Variants in TET3 observed in about 807,000 individuals in gnomAD.
The protein encoded by TET3 is methylcytosine dioxygenase TET3.
TET3 carries 19 observed loss-of-function variants against 141.4 expected under a neutral mutation model. That is an observed-to-expected ratio of 0.13 (90% CI 0.09 to 0.20). TET3 has a LOEUF of 0.20. Ranked by LOEUF, TET3 falls within the 10% of genes least tolerant of loss-of-function variation. TET3 has a pLI of 1.00. For missense variants in TET3, 1,874 were observed against 2,356.9 expected, an observed-to-expected ratio of 0.80 and a Z score of 4.24; for synonymous variants, 1,043 against 980.9, an observed-to-expected ratio of 1.06 and a Z score of -1.18.
At position 74,099,517 on chromosome 2, in the gene TET3, C is replaced by T. The variant is rs1245008031; in HGVS notation, c.3509C>T (p.Ala1170Val). ...CGGCAGCTGGAAGCCAGAAAGGCAG[C>T]AGCCGAGAAGAAGAAGATTCAGAAG... Reference protein sequence around the residue: ...RQRQLEARKAAAEKKKIQKEK... With the variant: ...RQRQLEARKAVAEKKKIQKEK... Residue 1170 changes from alanine to valine, a missense_variant, in exon 11 of 12, where the codon GCA becomes GTA. Coordinates refer to ENST00000409262, the MANE Select transcript of TET3 (RefSeq NM_001287491.2). The T allele has an allele frequency of 1.2e-6, 2 of 1,612,994 alleles. No homozygotes were observed. The highest frequency in any genetic ancestry group is 2.2e-5 in the East Asian group (1 of 44,842).
At chr2:74,045,703 T>G (rs1687578616) in intron 3 of TET3, among the ~76,000 whole-genome samples, 1 of 152,200 alleles carries the variant, frequency 6.6e-6, no homozygotes, top group South Asian at 2.1e-4. Flanking sequence ...GCCAGCTTTC[T>G]GTGCTCAGCC....
rs943610380 is a variant in TET3, at chr2:74,089,945, C to T, written c.2937C>T (p.Ser979=). The T allele has an allele frequency of 6.2e-7, 1 of 1,614,078 alleles. No homozygotes were observed. Residue 979 remains serine, a synonymous_variant, in exon 8 of 12, where the codon TCC becomes TCT. Coordinates refer to ENST00000409262, the MANE Select transcript of TET3 (RefSeq NM_001287491.2). ...QGKDPNTCGA[S]FSFGCSWSMY... ...AAGACCCCAACACCTGTGGTGCCTC[C>T]TTCTCCTTTGGTTGTTCCTGGAGCA...
At chr2:73,994,544 G>A (rs1056374092) in intron 2 of TET3, among the ~76,000 whole-genome samples, 1 of 152,102 alleles carries the variant, frequency 6.6e-6, no homozygotes, top group Admixed American at 6.5e-5. Context: ...TTGCGGGAAG[G>A]TTGGGAGGGA....
In TET3 at chr2:74,101,978, G is replaced by A; in HGVS notation, c.5190G>A (p.Leu1730=). 1.2e-6 allele frequency: 2 copies of A among 1,605,476 alleles called. No individual in the cohort carries two copies. Among genetic ancestry groups the A allele is most frequent in the Admixed American group, 1.7e-5 (1 of 59,460 alleles). Residue 1730 remains leucine, a synonymous_variant, in exon 12 of 12, where the codon CTG becomes CTA. Transcript: ENST00000409262. This position sits in a 1 kb window ranked among gnomAD's most constrained non-coding sequence, Gnocchi z 8.5. Reference sequence around the variant, plus strand: ...CACGGCAGGAGGAGGCTGCCCGGCTGGGCCTGGGCCAGCAGGAGGCCAAGC... The same window carrying A: ...CACGGCAGGAGGAGGCTGCCCGGCTAGGCCTGGGCCAGCAGGAGGCCAAGC... The part of the protein sequence containing the change: ...ARARQEEAAR[L]GLGQQEAKLY...
chr2:74,124,644 G>C, the TET3 span, among the ~76,000 whole-genome samples: 67 of 152,290 alleles, frequency 4.4e-4, no homozygotes, highest in Non-Finnish European at 7.1e-4. Flanking sequence ...CGTGCTCTCT[G>C]AAACATGTGC....
chr2:74,000,311 A>C (rs925752222), intron 2 of TET3, among the ~76,000 whole-genome samples: 3 of 152,196 alleles, frequency 2.0e-5, no homozygotes, highest in African/African-American at 7.2e-5. Context: ...CTCTGTGCAG[A>C]GCCTAGGAAA....
At chr2:74,004,359 G>T (rs1685039849) in intron 3 of TET3, among the ~76,000 whole-genome samples, 1 of 152,176 alleles carries the variant, frequency 6.6e-6, no homozygotes, top group Admixed American at 6.5e-5. Flanking sequence ...AAGCTCCATG[G>T]AGGTGCTGGA....
downstream of TET3, among the ~76,000 whole-genome samples, chr2:74,110,444 A>G (rs1422809892): frequency 6.6e-6 from 1 of 152,190 alleles, no homozygotes; most frequent in Admixed American, 6.5e-5. Flanking sequence ...TCTGAAAATA[A>G]TGGGCATTCA....
chr2:74,125,277 T>C, the TET3 span, among the ~76,000 whole-genome samples: 1 of 151,322 alleles, frequency 6.6e-6, no homozygotes, highest in African/African-American at 2.4e-5. Context: ...CCACTGCACC[T>C]GGCCTCACTT....
intron 3 of TET3, among the ~76,000 whole-genome samples, chr2:74,030,766 C>T (rs1204025100): frequency 1.3e-5 from 2 of 152,064 alleles, no homozygotes; most frequent in African/African-American, 4.8e-5. Flanking sequence ...GGCAGGGGGC[C>T]AGTCAAGGAG....
chr2:74,114,703 A>C, the TET3 span, among the ~76,000 whole-genome samples: 1 of 151,546 alleles, frequency 6.6e-6, no homozygotes, highest in African/African-American at 2.4e-5. Context: ...AAATACAAAA[A>C]ATTGGCTGGG....
At chr2:74,117,352 C>G in the TET3 span, among the ~76,000 whole-genome samples, 3 of 152,100 alleles carry the variant, frequency 2.0e-5, no homozygotes, top group Non-Finnish European at 4.4e-5. Flanking sequence ...GCTGGAATTA[C>G]AGGCATGAGC....
Position 74,073,728 on chromosome 2 carries a change from A to C in TET3, c.2585+89A>C, listed in dbSNP as rs79276487. On this transcript the variant is annotated intron_variant, in intron 5 of 11. Transcript: ENST00000409262. ...CGCCTCTCATTTTTCTTTGCCTTGT[A>C]ACAGACAATATACAGAAAGGAAACC... The C allele has an allele frequency of 2.6e-3, 2,857 of 1,081,500 alleles. 72 individuals are homozygous for C. In the African/African-American group the frequency reaches 0.043, roughly 16 times the overall value. 67.0% of individuals were successfully genotyped at this position (1,081,500 alleles called of 1,614,324 possible). A position where few individuals can be genotyped will look rare whatever the true frequency, so the allele number is the denominator to read the frequency against.
At chr2:74,084,457 T>C (rs1401239419) in intron 6 of TET3, among the ~76,000 whole-genome samples, 27 of 145,332 alleles carry the variant, frequency 1.9e-4, no homozygotes, top group African/African-American at 5.1e-4. Context: ...GTCTCTCTCT[T>C]TTTTTTTTTT....
intron 3 of TET3, among the ~76,000 whole-genome samples, chr2:74,021,200 G>T (rs1395611534): frequency 2.0e-5 from 3 of 152,170 alleles, no homozygotes; most frequent in Admixed American, 6.5e-5. Context: ...TCCCCATGAG[G>T]CCCCAGCTGC....
chr2:74,030,358 CTTT>C (rs1402335748), intron 3 of TET3, among the ~76,000 whole-genome samples: 2 of 152,132 alleles, frequency 1.3e-5, no homozygotes, highest in Non-Finnish European at 2.9e-5. Flanking sequence ...TTTCATCTAG[CTTT>C]TTTCCTTAGT....
intron 2 of TET3, among the ~76,000 whole-genome samples, chr2:73,998,070 C>T (rs929264392): frequency 4.6e-5 from 7 of 152,038 alleles, no homozygotes; most frequent in African/African-American, 9.7e-5. Flanking sequence ...TTGATGCTGG[C>T]GGCAGGGGTG....
the TET3 span, among the ~76,000 whole-genome samples, chr2:74,120,213 C>T: frequency 6.6e-6 from 1 of 152,224 alleles, no homozygotes; most frequent in Non-Finnish European, 1.5e-5. Flanking sequence ...CCCGGCTCCC[C>T]CGCCCGCCCA....
chr2:74,111,050 C>T (rs1691692788), downstream of TET3, among the ~76,000 whole-genome samples: 1 of 152,178 alleles, frequency 6.6e-6, no homozygotes, highest in Admixed American at 6.5e-5. Flanking sequence ...AGCTTCTGAG[C>T]CAGGGATCCT....
Sources: allele counts gnomAD v4.1 joint callset (sites outside exome capture counted in the v4.1 genomes callset), GRCh38; gene constraint gnomAD v4.1.1; non-coding constraint Gnocchi (gnomAD v3.1); transcripts MANE v1.5; gene names NCBI Gene and HGNC (gene_info 2026-07-23, HGNC 2026-07-21).